TRAPPC2: variants seen among roughly 807,000 people sequenced by gnomAD.
The protein encoded by TRAPPC2 is trafficking protein particle complex subunit 2.
In TRAPPC2, 4 loss-of-function variants were observed where a neutral mutation model predicts 10.0. The ratio of observed to expected loss-of-function variants is 0.40; its 90% CI spans 0.20 to 0.92. The LOEUF (loss-of-function observed/expected upper bound fraction) is 0.92. Ranked by LOEUF, TRAPPC2 falls within the 40% of genes least tolerant of loss-of-function variation. TRAPPC2 has a pLI of 0.35. For missense variants in TRAPPC2, 52 were observed against 108.7 expected (o/e 0.48, Z 2.32); for synonymous variants, 36 against 37.3 (o/e 0.97, Z 0.12).
At chrX:13,727,480 A>T (rs2046578652) in intron 2 of TRAPPC2, among the ~76,000 whole-genome samples, 1 of 112,487 alleles carries the variant, frequency 8.9e-6, no homozygotes, top group Non-Finnish European at 1.9e-5. Flanking sequence ...GAAATTGAAC[A>T]ACTTGCTCCT....
intron 1 of TRAPPC2, 117 bp downstream of exon 1, chrX:13,734,408 C>A: frequency 3.7e-6 from 1 of 269,991 alleles, no homozygotes; most frequent in Non-Finnish European, 6.6e-6. Flanking sequence ...CAGGTCCGGC[C>A]CGGCCACCCC....
chrX:13,714,550 C>G, intron 5 of TRAPPC2, 45 bp from the exon 6 acceptor site: 2 of 734,003 alleles, frequency 2.7e-6, no homozygotes, highest in Non-Finnish European at 3.9e-6. Context: ...GCTGACAAAT[C>G]TTAAGTTTCT....
intron 2 of TRAPPC2, among the ~76,000 whole-genome samples, chrX:13,731,705 C>T (rs1372216173): frequency 8.9e-6 from 1 of 111,920 alleles, no homozygotes; most frequent in Non-Finnish European, 1.9e-5. Context: ...TCATAGCCGA[C>T]TTGAGTGTCA....
chrX:13,715,867 C>T (rs1366869382), intron 5 of TRAPPC2, 137 bp downstream of exon 5: 1 of 1,015,614 alleles, frequency 9.8e-7, no homozygotes, highest in East Asian at 3.8e-5. Context: ...GAGGGAGTTG[C>T]CAGAGATAGT....
At chrX:13,716,721 G>A (rs377172711) in intron 3 of TRAPPC2, 43 bp from the exon 4 acceptor site, 12 of 1,187,847 alleles carry the variant, frequency 1.0e-5, no homozygotes, top group Admixed American at 2.2e-5. Context: ...ATTTGCATAT[G>A]GCATCGAGAA....
rs776739699 is a variant in TRAPPC2, at chrX:13,712,610, TAAG to T, written c.*1794_*1796del. The T allele has an allele frequency of 1.8e-4, 20 of 112,085 alleles. No homozygotes were observed. Among genetic ancestry groups the T allele is most frequent in the African/African-American group, 6.5e-4 (20 of 30,847 alleles). The allele number at this position is 112,085 out of a possible 1,213,427, so 9.2% of individuals were successfully genotyped here. A position where few individuals can be genotyped will look rare whatever the true frequency, so the allele number is the denominator to read the frequency against. ...TTTACTGTCTGAGGGAAAGGAAATATAAGAATATAAAGTGACAGAAGCAACACA... is the reference window on the plus strand; with the variant it reads ...TTTACTGTCTGAGGGAAAGGAAATATAATATAAAGTGACAGAAGCAACACA... On this transcript the variant is annotated 3_prime_UTR_variant, in exon 6 of 6. Coordinates refer to ENST00000380579, the MANE Select transcript of TRAPPC2 (RefSeq NM_001011658.4).
intron 2 of TRAPPC2, among the ~76,000 whole-genome samples, chrX:13,733,695 C>T (rs893395641): frequency 8.0e-5 from 9 of 111,832 alleles, no homozygotes; most frequent in Middle Eastern, 4.2e-3. Flanking sequence ...ATATTCCCAG[C>T]ACACAACTCT....
intron 2 of TRAPPC2, among the ~76,000 whole-genome samples, chrX:13,729,131 A>C (rs369815878): frequency 8.9e-6 from 1 of 112,137 alleles, no homozygotes; most frequent in South Asian, 3.7e-4. Context: ...TTCCATGCTC[A>C]TGGATAGGAA....
chrX:13,720,236 C>T (rs1374815995), intron 2 of TRAPPC2: 1 of 189,523 alleles, frequency 5.3e-6, no homozygotes, highest in Non-Finnish European at 9.6e-6. Context: ...CATGAAATCA[C>T]AAAGACAACA....
chrX:13,733,979 C>G (rs2046744778), intron 2 of TRAPPC2, 65 bp downstream of exon 2: 1 of 508,750 alleles, frequency 2.0e-6, no homozygotes, highest in African/African-American at 2.3e-5. Flanking sequence ...TTTTCATTAT[C>G]GCTTCTGAGA....
At chrX:13,728,615 C>G (rs1267820681) in intron 2 of TRAPPC2, among the ~76,000 whole-genome samples, 1 of 111,766 alleles carries the variant, frequency 8.9e-6, no homozygotes, top group Non-Finnish European at 1.9e-5. Context: ...ATAATAAGAG[C>G]TATTTATGAC....
At chrX:13,723,253 C>T (rs781298608) in intron 2 of TRAPPC2, among the ~76,000 whole-genome samples, 103 of 111,586 alleles carry the variant, frequency 9.2e-4, no homozygotes, top group African/African-American at 3.2e-3. Flanking sequence ...CTGCAACCTC[C>T]GCCTCCCAGG....
intron 2 of TRAPPC2, among the ~76,000 whole-genome samples, chrX:13,729,520 T>C (rs1383977849): frequency 1.1e-4 from 12 of 112,523 alleles, no homozygotes; most frequent in Non-Finnish European, 1.1e-4. Flanking sequence ...ATTTAATAAA[T>C]GGTGCTGGGA....
intron 2 of TRAPPC2, among the ~76,000 whole-genome samples, chrX:13,727,827 G>C (rs1431893316): frequency 1.8e-5 from 2 of 111,578 alleles, no homozygotes; most frequent in Non-Finnish European, 3.8e-5. Context: ...TTTTTCAAAA[G>C]ATCAACAAAA....
At chrX:13,724,969 G>T (rs2046512522) in intron 2 of TRAPPC2, among the ~76,000 whole-genome samples, 2 of 113,422 alleles carry the variant, frequency 1.8e-5, no homozygotes, top group Admixed American at 1.8e-4. Context: ...GGCTCGGCAG[G>T]TCCCACGCCC....
intron 3 of TRAPPC2, among the ~76,000 whole-genome samples, chrX:13,719,304 G>A (rs1218122172): frequency 9.0e-6 from 1 of 110,796 alleles, no homozygotes; most frequent in African/African-American, 3.3e-5. Context: ...AGCTAAGCTT[G>A]GTTTTTGGAA....
chrX:13,734,199 G>C lies in TRAPPC2; in HGVS notation c.-161-14C>G, dbSNP rs2046752824. The C allele has an allele frequency of 2.1e-6, 1 of 475,945 alleles. No homozygotes were observed. Among genetic ancestry groups the C allele is most frequent in the East Asian group, 3.7e-5 (1 of 27,078 alleles). 39.2% of individuals were successfully genotyped at this position (475,945 alleles called of 1,213,427 possible). On this transcript the variant is annotated splice_polypyrimidine_tract_variant and intron_variant, in intron 1 of 5. Coordinates refer to ENST00000380579, the MANE Select transcript of TRAPPC2 (RefSeq NM_001011658.4). ...GAGAAGGTGATACTGACAAAATAGA[G>C]AGCAAGGATACAGCTAAACCTACAA...
chrX:13,734,170 G>T lies in TRAPPC2; in HGVS notation c.-146C>A, dbSNP rs192390430. On this transcript the variant is annotated 5_prime_UTR_variant, in exon 2 of 6. Coordinates refer to ENST00000380579, the MANE Select transcript of TRAPPC2 (RefSeq NM_001011658.4). ...GGAGACATCTTTGGTTGTCACACTT[G>T]GGGGAGAAGGTGATACTGACAAAAT... The T allele has an allele frequency of 2.2e-3, 1,121 of 499,916 alleles. 7 individuals are homozygous for T. In the African/African-American group the frequency reaches 0.023, roughly 10 times the overall value. 41.2% of individuals were successfully genotyped at this position (499,916 alleles called of 1,213,427 possible).
At chrX:13,715,904 G>T in intron 5 of TRAPPC2, 100 bp downstream of exon 5, 2 of 1,066,360 alleles carry the variant, frequency 1.9e-6, no homozygotes, top group Middle Eastern at 5.2e-4. Flanking sequence ...TAGTCTGAAA[G>T]GTAAACTGCA....
Sources: gnomAD v4.1 joint callset for allele counts (sites outside exome capture counted in the v4.1 genomes callset) on GRCh38, gnomAD v4.1.1 for gene constraint, MANE v1.5 for transcripts, NCBI Gene and HGNC (gene_info 2026-07-23, HGNC 2026-07-21) for gene names.